The following TMEM38B variants were observed in gnomAD, a reference collection of about 807,000 sequenced individuals.
TMEM38B encodes the protein trimeric intracellular cation channel type B.
A neutral mutation model predicts 28.7 loss-of-function variants in TMEM38B; 24 were observed. The ratio of observed to expected loss-of-function variants is 0.84; its 90% CI spans 0.61 to 1.18. The LOEUF (loss-of-function observed/expected upper bound fraction) is 1.18, where lower values mean the gene tolerates loss of function less well. Among genes scored for constraint, TMEM38B ranks in the 50% most tolerant of loss-of-function variants. The pLI, the probability that TMEM38B is intolerant of heterozygous loss-of-function variation, is 0.00. For missense variants in TMEM38B, 380 were observed against 350.9 expected (o/e 1.08, Z -0.66); for synonymous variants, 131 against 127.7 (o/e 1.03, Z -0.17).
chr9:105,759,337 A>G (rs1837951039), intron 5 of TMEM38B: 1 of 1,055,404 alleles, frequency 9.5e-7, no homozygotes. Context: ...AATTCCTTCA[A>G]ATCAATGGAG....
At chr9:105,732,524 T>C (rs938330426) in intron 4 of TMEM38B, among the ~76,000 whole-genome samples, 3 of 152,228 alleles carry the variant, frequency 2.0e-5, no homozygotes, top group African/African-American at 7.2e-5. Flanking sequence ...GTTTTCTACA[T>C]GTGGCTAGCC....
chr9:105,743,468 TA>T (rs1387224811), intron 4 of TMEM38B, among the ~76,000 whole-genome samples: 3 of 152,250 alleles, frequency 2.0e-5, no homozygotes, highest in Non-Finnish European at 4.4e-5. Context: ...TTATCTTTTT[TA>T]CTTGTAAGAT....
At chr9:105,760,495 G>A in intron 5 of TMEM38B, 1 of 744,168 alleles carries the variant, frequency 1.3e-6, no homozygotes. Context: ...GCAGATTAGT[G>A]CTCAGGACTT....
chr9:105,762,984 T>C (rs934314448), intron 5 of TMEM38B, among the ~76,000 whole-genome samples: 2 of 144,490 alleles, frequency 1.4e-5, no homozygotes, highest in Non-Finnish European at 1.5e-5. Flanking sequence ...ATTGTGGTTT[T>C]GATTTGCATT....
chr9:105,710,702 G>T, intron 2 of TMEM38B: 1 of 663,648 alleles, frequency 1.5e-6, no homozygotes, highest in Non-Finnish European at 2.9e-6. Flanking sequence ...AATTCACACC[G>T]TAAATCTTCA....
At chr9:105,703,875 G>A (rs573251314) in intron 1 of TMEM38B, among the ~76,000 whole-genome samples, 38 of 151,982 alleles carry the variant, frequency 2.5e-4, no homozygotes, top group South Asian at 1.0e-3. Flanking sequence ...CATGTCCTTC[G>A]CCCACTTTTT....
At chr9:105,760,737 T>G in intron 5 of TMEM38B, 2 of 1,229,536 alleles carry the variant, frequency 1.6e-6, no homozygotes. Flanking sequence ...AACCAAAGTT[T>G]TGTAGTCTAA....
intron 1 of TMEM38B, chr9:105,701,127 C>CT (rs1835448798): frequency 6.6e-6 from 1 of 152,126 alleles, no homozygotes. Context: ...GTAGTATTTA[C>CT]TTTTTGCCTT....
chr9:105,755,406 T>A (rs1268044704), intron 5 of TMEM38B, among the ~76,000 whole-genome samples: 1 of 152,156 alleles, frequency 6.6e-6, no homozygotes, highest in African/African-American at 2.4e-5. Context: ...CACATTTACC[T>A]GTGTAACAAA....
intron 5 of TMEM38B, among the ~76,000 whole-genome samples, chr9:105,753,830 A>G (rs1470284813): frequency 6.6e-6 from 1 of 152,214 alleles, no homozygotes; most frequent in Non-Finnish European, 1.5e-5. Context: ...AACCTTAAAT[A>G]TAAATGGGCT....
At chr9:105,715,714 T>C (rs1330258550) in intron 2 of TMEM38B, among the ~76,000 whole-genome samples, 1 of 152,150 alleles carries the variant, frequency 6.6e-6, no homozygotes, top group African/African-American at 2.4e-5. Context: ...TTTTTTCTTT[T>C]ATCTCTTACT....
chr9:105,764,438 A>G (rs534370534), intron 5 of TMEM38B, among the ~76,000 whole-genome samples: 201 of 152,288 alleles, frequency 1.3e-3, no homozygotes, highest in African/African-American at 4.6e-3. Context: ...TACACCAACA[A>G]CACACAAACA....
intron 5 of TMEM38B, among the ~76,000 whole-genome samples, chr9:105,761,167 C>G (rs1241367658): frequency 6.6e-6 from 1 of 152,086 alleles, no homozygotes; most frequent in East Asian, 1.9e-4. Context: ...TTCTTTGTTT[C>G]TAAGTATAAG....
At chr9:105,735,867 T>C (rs6477458) in intron 4 of TMEM38B, among the ~76,000 whole-genome samples, 2 of 152,022 alleles carry the variant, frequency 1.3e-5, no homozygotes, top group Non-Finnish European at 2.9e-5. Flanking sequence ...TTTTCATTTA[T>C]TAAAAAAAAT....
At chr9:105,773,115 T>C (rs529025521) in intron 5 of TMEM38B, among the ~76,000 whole-genome samples, 43 of 152,312 alleles carry the variant, frequency 2.8e-4, no homozygotes, top group Non-Finnish European at 5.3e-4. Context: ...GGAGCTGTTC[T>C]AGACTTGAAA....
At chr9:105,767,068 A>T (rs150176172) in intron 5 of TMEM38B, among the ~76,000 whole-genome samples, 1 of 151,704 alleles carries the variant, frequency 6.6e-6, no homozygotes, top group Admixed American at 6.6e-5. Context: ...AAGGACATGA[A>T]CTCATCCTTT....
intron 5 of TMEM38B, among the ~76,000 whole-genome samples, chr9:105,770,230 T>C (rs1046980927): frequency 3.3e-5 from 5 of 152,178 alleles, no homozygotes; most frequent in African/African-American, 1.2e-4. Context: ...TCTTAAGACA[T>C]TATTGTCTAA....
chr9:105,734,737 T>C (rs913566276), intron 4 of TMEM38B, among the ~76,000 whole-genome samples: 11 of 152,160 alleles, frequency 7.2e-5, no homozygotes, highest in African/African-American at 2.7e-4. Flanking sequence ...TTATCTGATA[T>C]ACGTATACCC....
At chr9:105,725,083 A>G (rs1836459036) in intron 4 of TMEM38B, among the ~76,000 whole-genome samples, 1 of 152,086 alleles carries the variant, frequency 6.6e-6, no homozygotes, top group Non-Finnish European at 1.5e-5. Flanking sequence ...GTCACTACCT[A>G]GAACGATTTT....
Sources: allele counts gnomAD v4.1 joint callset (sites outside exome capture counted in the v4.1 genomes callset), GRCh38; gene constraint gnomAD v4.1.1; transcripts MANE v1.5; gene names NCBI Gene and HGNC (gene_info 2026-07-23, HGNC 2026-07-21).